The following GCNT1 variants were observed in gnomAD, a reference collection of about 807,000 sequenced individuals.
The protein encoded by GCNT1 is beta-1,3-galactosyl-O-glycosyl-glycoprotein beta-1,6-N-acetylglucosaminyltransferase.
GCNT1 carries 16 observed loss-of-function variants against 26.2 expected under a neutral mutation model. The observed-to-expected ratio is 0.61, with a 90% confidence interval of 0.41 to 0.93. GCNT1 has a LOEUF of 0.93. Ranked by LOEUF, GCNT1 falls within the 40% of genes least tolerant of loss-of-function variation. GCNT1 has a pLI of 0.00. For synonymous variants in GCNT1, 183 were observed against 190.8 expected, an observed-to-expected ratio of 0.96 and a Z score of 0.34; for missense variants, 477 against 526.7, an observed-to-expected ratio of 0.91 and a Z score of 0.92.
At position 76,495,491 on chromosome 9, in the gene GCNT1, G is replaced by A. The variant is rs998446895; in HGVS notation, c.-289-5425G>A. On this transcript the variant is annotated intron_variant, in intron 2 of 3. Coordinates refer to ENST00000376730, the MANE Select transcript of GCNT1 (RefSeq NM_001490.5). The stretch of plus-strand genomic sequence containing the variant: ...GGACCAGAGCAGGTTGCCGCTGCTG[G>A]CTTGGGTGGCCAGCTTTTATTCCCT... Among the ~76,000 whole-genome samples, 4 of 152,192 alleles carry A rather than the reference G, an allele frequency of 2.6e-5. No individual in the cohort carries two copies. The East Asian group carries it at 7.7e-4, about 29-fold the overall frequency.
intron 2 of GCNT1, among the ~76,000 whole-genome samples, chr9:76,474,668 A>C (rs997737403): frequency 6.6e-6 from 1 of 152,218 alleles, no homozygotes; most frequent in Non-Finnish European, 1.5e-5. Context: ...GTGTAAGTGA[A>C]GTTAGATTGT....
At chr9:76,413,796 T>C in the GCNT1 span, among the ~76,000 whole-genome samples, 1 of 152,064 alleles carries the variant, frequency 6.6e-6, no homozygotes, top group Admixed American at 6.6e-5. Context: ...TTTCTATACT[T>C]TTCTGTCTTT....
upstream of GCNT1, among the ~76,000 whole-genome samples, chr9:76,417,482 G>A (rs11144886): frequency 0.017 from 2,545 of 152,276 alleles, 67 homozygotes; most frequent in African/African-American, 0.057. Context: ...AGGAGTAACT[G>A]GATAAGAAGC....
chr9:76,502,335 C>A lies in GCNT1; in HGVS notation c.-47C>A. The A allele has an allele frequency of 7.6e-7, 1 of 1,324,242 alleles. No individual in the cohort carries two copies. The highest frequency in any genetic ancestry group is 2.3e-5 in the East Asian group (1 of 43,428). The allele number at this position is 1,324,242 out of a possible 1,614,324, so 82.0% of individuals were successfully genotyped here. On this transcript the variant is annotated 5_prime_UTR_variant, in exon 4 of 4. Coordinates refer to ENST00000376730, the MANE Select transcript of GCNT1 (RefSeq NM_001490.5). ...GAGGGAAAATCATTGGTGCTTGGAG[C>A]ATAGAAGACTGCCCTTCACAAAGGA...
chr9:76,432,386 A>C (rs1027320194), intron 1 of GCNT1, among the ~76,000 whole-genome samples: 2 of 152,296 alleles, frequency 1.3e-5, no homozygotes, highest in East Asian at 3.9e-4. Flanking sequence ...TCTGTTGCCC[A>C]GGCTCAAATG....
intron 2 of GCNT1, among the ~76,000 whole-genome samples, chr9:76,500,091 A>AC (rs765015598): frequency 2.0e-5 from 3 of 150,318 alleles, no homozygotes; most frequent in Non-Finnish European, 4.4e-5. Context: ...TTTTTGTTCC[A>AC]CCCCCCTGTA....
chr9:76,422,283 G>A (rs112332391), intron 1 of GCNT1, among the ~76,000 whole-genome samples: 4 of 152,166 alleles, frequency 2.6e-5, no homozygotes, highest in African/African-American at 9.6e-5. Context: ...TGCCCAAGAT[G>A]GTCTCGAACT....
rs150904494 is a variant in GCNT1, at chr9:76,502,396, G to A, written c.15G>A (p.Leu5=). Residue 5 remains leucine, a synonymous_variant, in exon 4 of 4, where the codon TTG becomes TTA. Transcript: ENST00000376730. MLRT[L]LRRRLFSYPT... is the part of the protein sequence containing the mutation. ...TATTGTTTGAAATGCTGAGGACGTT[G>A]CTGCGAAGGAGACTTTTTTCTTATC... 1.6e-4 allele frequency: 261 copies of A among 1,610,780 alleles called. No homozygotes were observed. The highest frequency in any genetic ancestry group is 9.9e-4 in the Middle Eastern group (6 of 6,052).
At chr9:76,437,545 G>A (rs1467045358), upstream of GCNT1, among the ~76,000 whole-genome samples, 1 of 152,166 alleles carries the variant, frequency 6.6e-6, no homozygotes, top group Non-Finnish European at 1.5e-5. Flanking sequence ...CCATAAAAAT[G>A]GGCAACCAGC....
At chr9:76,443,881 G>C (rs1823521242) in intron 1 of GCNT1, among the ~76,000 whole-genome samples, 1 of 51,286 alleles carries the variant, frequency 1.9e-5, no homozygotes. Flanking sequence ...AAAAAGGAAA[G>C]AAAGAAAGAA....
rs5898475 is a variant in GCNT1, at chr9:76,428,699, ATTTTTTT to A, written n.38+8824_38+8830del. On this transcript the variant is annotated intron_variant and non_coding_transcript_variant, in intron 1 of 3. Transcript: ENST00000488136. ...GAATAACGTAGCTGTTGCGTATTCT[ATTTTTTT>A]TTTTTTTTTTTGAGACAGAGTTTCG... 1.5e-5 allele frequency among the ~76,000 whole-genome samples: 2 copies of A among 130,124 alleles called. 1 individual carries two copies. Among genetic ancestry groups the A allele is most frequent in the Non-Finnish European group, 3.2e-5 (2 of 62,816 alleles). The allele number at this position is 130,124 out of a possible 152,430, so 85.4% of individuals were successfully genotyped here. A position where few individuals can be genotyped will look rare whatever the true frequency, so the allele number is the denominator to read the frequency against.
chr9:76,490,019 C>T (rs1336671171), intron 2 of GCNT1, among the ~76,000 whole-genome samples: 4 of 152,194 alleles, frequency 2.6e-5, no homozygotes, highest in Non-Finnish European at 5.9e-5. Context: ...GTTAAAAATA[C>T]AGGGCCCGAA....
At chr9:76,411,214 A>C in the GCNT1 span, among the ~76,000 whole-genome samples, 1 of 152,194 alleles carries the variant, frequency 6.6e-6, no homozygotes, top group Admixed American at 6.5e-5. Context: ...TAAATGGATG[A>C]ATATTTACAA....
chr9:76,463,969 G>GAGA (rs1446550007), intron 2 of GCNT1, among the ~76,000 whole-genome samples: 2 of 151,982 alleles, frequency 1.3e-5, no homozygotes, highest in Admixed American at 6.5e-5. Context: ...GCTGAGATGG[G>GAGA]AGAATCGCTT....
At chr9:76,480,054 G>A (rs1002656203) in intron 2 of GCNT1, among the ~76,000 whole-genome samples, 4 of 152,182 alleles carry the variant, frequency 2.6e-5, no homozygotes, top group Non-Finnish European at 5.9e-5. Context: ...AAGGGATCCA[G>A]TTTCAGCTTT....
Position 76,502,455 on chromosome 9 carries a change from C to A in GCNT1, c.74C>A (p.Ser25Tyr), listed in dbSNP as rs752440278. ...TKYYFMVLVL[S>Y]LITFSVLRIH... Reference sequence around the variant, plus strand: ...TACTACTTTATGGTTCTTGTTTTATCCCTAATCACCTTCTCCGTTTTAAGG... The same window carrying A: ...TACTACTTTATGGTTCTTGTTTTATACCTAATCACCTTCTCCGTTTTAAGG... The change falls in exon 4 of 4, where the codon TCC (serine) becomes TAC (tyrosine). Residue 25 changes from serine to tyrosine, a missense_variant. Ser to Tyr is a moderately radical substitution (Grantham distance 144). Coordinates refer to ENST00000376730, the MANE Select transcript of GCNT1 (RefSeq NM_001490.5). 1 of 1,613,558 alleles carries A rather than the reference C, an allele frequency of 6.2e-7. No individual in the cohort carries two copies. The highest frequency in any genetic ancestry group is 1.1e-5 in the South Asian group (1 of 91,070).
chr9:76,435,951 C>CTTTTT (rs398046579), intron 1 of GCNT1, among the ~76,000 whole-genome samples: 12 of 111,986 alleles, frequency 1.1e-4, no homozygotes, highest in Non-Finnish European at 1.6e-4. Context: ...GTTCCCATAT[C>CTTTTT]TTTTTTTTTT....
At chr9:76,465,947 G>A (rs750926552) in intron 2 of GCNT1, among the ~76,000 whole-genome samples, 1 of 152,150 alleles carries the variant, frequency 6.6e-6, no homozygotes. Context: ...GTGTGGGAGG[G>A]AAGATAATGC....
chr9:76,499,969 C>T (rs1258751269), intron 2 of GCNT1, among the ~76,000 whole-genome samples: 2 of 152,060 alleles, frequency 1.3e-5, no homozygotes, highest in African/African-American at 4.8e-5. Flanking sequence ...ATACCATACT[C>T]GTGCTTTCTT....
Sources: gnomAD v4.1 joint callset for allele counts (sites outside exome capture counted in the v4.1 genomes callset) on GRCh38, gnomAD v4.1.1 for gene constraint, MANE v1.5 for transcripts, NCBI Gene and HGNC (gene_info 2026-07-23, HGNC 2026-07-21) for gene names.